Variants in FNDC3B observed in about 807,000 individuals in gnomAD.
The protein encoded by FNDC3B is fibronectin type III domain-containing protein 3B.
Under a neutral mutation model 151.5 loss-of-function variants are expected in FNDC3B, and 12 were observed. That is an observed-to-expected ratio of 0.08 (90% CI 0.05 to 0.13). The LOEUF is 0.13. Among genes scored for constraint, FNDC3B ranks in the 10% least tolerant of loss-of-function variants. The pLI is 1.00. For synonymous variants in FNDC3B, 528 were observed against 549.0 expected (o/e 0.96, Z 0.54); for missense variants, 1,214 against 1,505.3 (o/e 0.81, Z 3.20).
At position 172,131,614 on chromosome 3, in the gene FNDC3B, A is replaced by C. The variant is rs917440056; in HGVS notation, c.112-1857A>C. 2.0e-5 allele frequency among the ~76,000 whole-genome samples: 3 copies of C among 152,198 alleles called. No individual in the cohort carries two copies. In the South Asian group the frequency reaches 6.2e-4, roughly 32 times the overall value. ...AGCACCAAGGGTGAAGCTTAGTCTG[A>C]GTTTCCCTGAATGATCCTGTTTTTT... On this transcript the variant is annotated intron_variant, in intron 2 of 25. Coordinates refer to ENST00000415807, the MANE Select transcript of FNDC3B (RefSeq NM_022763.4).
chr3:172,048,029 A>G (rs999782214), intron 1 of FNDC3B, among the ~76,000 whole-genome samples: 39 of 152,308 alleles, frequency 2.6e-4, no homozygotes, highest in Middle Eastern at 3.4e-3. Flanking sequence ...TACTTTTACT[A>G]AAGCAAGATC....
intron 6 of FNDC3B, among the ~76,000 whole-genome samples, chr3:172,279,711 C>T (rs1368620943): frequency 6.6e-6 from 1 of 152,188 alleles, no homozygotes; most frequent in Non-Finnish European, 1.5e-5. Context: ...TGATTTTACT[C>T]ATCTTTAATA....
At chr3:172,174,938 C>CG (rs1209102605) in intron 3 of FNDC3B, among the ~76,000 whole-genome samples, 1 of 57,928 alleles carries the variant, frequency 1.7e-5, no homozygotes, top group Non-Finnish European at 4.9e-5. Flanking sequence ...CCGCCACCCC[C>CG]CCCCCCCCAA....
intron 1 of FNDC3B, among the ~76,000 whole-genome samples, chr3:172,090,690 A>G (rs1463461940): frequency 2.0e-5 from 3 of 152,188 alleles, no homozygotes; most frequent in Non-Finnish European, 4.4e-5. Context: ...GGTACTGAAG[A>G]TAATACAGAT....
chr3:172,354,667 G>A (rs1290274394), intron 22 of FNDC3B, among the ~76,000 whole-genome samples: 6 of 151,870 alleles, frequency 4.0e-5, no homozygotes, highest in African/African-American at 1.4e-4. Flanking sequence ...AGTAATTATA[G>A]TGAAATACAA....
intron 4 of FNDC3B, among the ~76,000 whole-genome samples, chr3:172,238,265 C>T (rs1308417502): frequency 2.0e-5 from 3 of 152,192 alleles, no homozygotes; most frequent in Admixed American, 2.0e-4. Context: ...AAGTGATCCT[C>T]CCACATCATC....
chr3:172,330,597 C>G lies in FNDC3B; in HGVS notation c.1436C>G (p.Ser479Cys), dbSNP rs755814669. 2 of 1,614,126 alleles carry G rather than the reference C, an allele frequency of 1.2e-6. No homozygotes were observed. The highest frequency in any genetic ancestry group is 3.3e-5 in the Admixed American group (2 of 60,022). The change falls in exon 13 of 26, where the codon TCT (serine) becomes TGT (cysteine). Residue 479 changes from serine to cysteine, a missense_variant. Ser to Cys is a moderately radical substitution (Grantham distance 112). This residue lies in a region of FNDC3B where 111 missense variants were observed against 96.8 expected (regional missense o/e 1.15). Transcript: ENST00000415807. ...YTLGNIPQMP[S>C]APRLVRAGIT... is the part of the protein sequence containing the mutation. ...TTAGGAAATATCCCTCAGATGCCTT[C>G]TGCACCAAGGCTGGTTCGAGCTGGC... is the stretch of plus-strand genomic sequence containing the variant.
intron 6 of FNDC3B, among the ~76,000 whole-genome samples, chr3:172,270,627 A>G (rs750906266): frequency 1.3e-5 from 2 of 152,116 alleles, no homozygotes; most frequent in Non-Finnish European, 2.9e-5. Context: ...CATATTCTTC[A>G]TGACACCCAC....
At chr3:172,212,968 A>T (rs2108715762) in intron 3 of FNDC3B, among the ~76,000 whole-genome samples, 1 of 152,128 alleles carries the variant, frequency 6.6e-6, no homozygotes, top group East Asian at 1.9e-4. Flanking sequence ...AATTCAGTTG[A>T]GATTAATTGG....
At chr3:172,256,051 C>A (rs1728322346) in intron 6 of FNDC3B, among the ~76,000 whole-genome samples, 1 of 152,220 alleles carries the variant, frequency 6.6e-6, no homozygotes, top group Non-Finnish European at 1.5e-5. Flanking sequence ...CATTTTAATT[C>A]CTTCCTTGAG....
intron 6 of FNDC3B, among the ~76,000 whole-genome samples, chr3:172,255,002 T>A (rs7633794): frequency 6.6e-6 from 1 of 152,218 alleles, no homozygotes; most frequent in African/African-American, 2.4e-5. Context: ...GTAACCCTTA[T>A]GACTTGAATA....
At chr3:172,146,144 T>C (rs909743923) in intron 3 of FNDC3B, among the ~76,000 whole-genome samples, 6 of 152,034 alleles carry the variant, frequency 3.9e-5, no homozygotes, top group African/African-American at 1.4e-4. Flanking sequence ...TAATAAAATA[T>C]ATAAAAAAAA....
intron 7 of FNDC3B, among the ~76,000 whole-genome samples, chr3:172,289,442 T>C (rs373114197): frequency 7.6e-4 from 115 of 152,234 alleles, no homozygotes; most frequent in African/African-American, 2.7e-3. Context: ...TTCCAAGGAC[T>C]AGGATGTGGA....
At position 172,337,383 on chromosome 3, in the gene FNDC3B, A is replaced by G; in HGVS notation, c.1834A>G (p.Thr612Ala). 6.2e-7 allele frequency: 1 copy of G among 1,612,256 alleles called. No individual in the cohort carries two copies. Among genetic ancestry groups the G allele is most frequent in the Non-Finnish European group, 8.5e-7 (1 of 1,178,436 alleles). The change falls in exon 16 of 26, where the codon ACT becomes GCT. Residue 612 changes from threonine to alanine, a missense_variant. Thr to Ala is a moderately conservative substitution (Grantham distance 58, BLOSUM62 0). This residue lies in a region of FNDC3B where 380 missense variants were observed against 420.9 expected (regional missense o/e 0.90). Transcript: ENST00000415807. ...SEILKYLLEI[T>A]DGNSEANQWE... The stretch of plus-strand genomic sequence containing the variant: ...AATCCTCAAGTACTTGCTAGAGATT[A>G]CTGATGGAAATTCTGAAGGTGAAGT...
chr3:172,364,953 T>A (rs1223595093), intron 23 of FNDC3B, among the ~76,000 whole-genome samples: 1 of 152,212 alleles, frequency 6.6e-6, no homozygotes, highest in Non-Finnish European at 1.5e-5. Flanking sequence ...ATATAGAGCA[T>A]AATAAATTCT....
At chr3:172,349,018 T>G (rs1423995485) in intron 21 of FNDC3B, among the ~76,000 whole-genome samples, 5 of 151,980 alleles carry the variant, frequency 3.3e-5, no homozygotes, top group Non-Finnish European at 7.4e-5. Context: ...TGGCCGGGCA[T>G]GGGGGCTCAC....
At chr3:172,215,818 A>C (rs976771660) in intron 3 of FNDC3B, among the ~76,000 whole-genome samples, 1 of 152,210 alleles carries the variant, frequency 6.6e-6, no homozygotes, top group Non-Finnish European at 1.5e-5. Flanking sequence ...CTACAAAATG[A>C]GTAAACTTTA....
chr3:172,092,929 C>T (rs989102982), intron 1 of FNDC3B, among the ~76,000 whole-genome samples: 1 of 152,194 alleles, frequency 6.6e-6, no homozygotes, highest in Non-Finnish European at 1.5e-5. Flanking sequence ...CCTCAGTCTC[C>T]TGAGTAGCTG....
chr3:172,210,153 G>T (rs745966252), intron 3 of FNDC3B, among the ~76,000 whole-genome samples: 14 of 152,102 alleles, frequency 9.2e-5, no homozygotes, highest in Non-Finnish European at 4.4e-5. Flanking sequence ...AACTTGGTAG[G>T]GCACAGGGTT....
Sources: gnomAD v4.1 joint callset for allele counts (sites outside exome capture counted in the v4.1 genomes callset) on GRCh38, gnomAD v4.1.1 for gene constraint, gnomAD v4.1.1 regional missense constraint, MANE v1.5 for transcripts, NCBI Gene and HGNC (gene_info 2026-07-23, HGNC 2026-07-21) for gene names.